Variants in CARD14 observed in about 807,000 individuals in gnomAD.
CARD14 encodes the protein caspase recruitment domain-containing protein 14.
Under a neutral mutation model 111.5 loss-of-function variants are expected in CARD14, and 107 were observed. The ratio of observed to expected loss-of-function variants is 0.96; its 90% confidence interval spans 0.82 to 1.13. The LOEUF (loss-of-function observed/expected upper bound fraction) is 1.13. Ranked by LOEUF, CARD14 falls within the 50% of genes most tolerant of loss-of-function variation. The probability of loss-of-function intolerance (pLI) is 0.00; values close to 1 mark genes in which losing one functional copy is unlikely to be tolerated. For synonymous variants in CARD14, 617 were observed against 579.6 expected (o/e 1.06, Z -0.93); for missense variants, 1,322 against 1,362.3 (o/e 0.97, Z 0.47).
intron 9 of CARD14, among the ~76,000 whole-genome samples, chr17:80,190,094 G>A (rs564229161): frequency 2.8e-4 from 43 of 152,250 alleles, no homozygotes; most frequent in Non-Finnish European, 5.4e-4. Flanking sequence ...TGATTCAAAC[G>A]CAGGGGATTT....
intron 7 of CARD14, chr17:80,187,701 T>TTGCCTCAC: frequency 1.0e-6 from 1 of 969,580 alleles, no homozygotes; most frequent in Non-Finnish European, 1.2e-6. Flanking sequence ...CTTCCCGGGC[T>TTGCCTCAC]TGCCTCACGG....
rs375489258 is a variant in CARD14, at chr17:80,184,118, C to T, written c.555C>T (p.Ser185=). 6 of 1,574,814 alleles carry T rather than the reference C, an allele frequency of 3.8e-6. No homozygotes were observed. In the African/African-American group the frequency reaches 4.0e-5, roughly 11 times the overall value. The change falls in exon 7 of 24, where the codon AGC becomes AGT. Residue 185 remains serine (S), a synonymous_variant. Coordinates refer to ENST00000648509, the MANE Select transcript of CARD14 (RefSeq NM_001366385.1). The stretch of plus-strand genomic sequence containing the variant: ...ACAGCCGCATGAAGCGTGAGGTTAG[C>T]GCACACTTCCATGAGGTGCTGAGGC... The part of the protein sequence containing the change: ...ADHSRMKREV[S]AHFHEVLRLK...
chr17:80,171,529 C>T (rs1173626698), intron 1 of CARD14, among the ~76,000 whole-genome samples: 2 of 151,974 alleles, frequency 1.3e-5, no homozygotes, highest in African/African-American at 4.8e-5. Context: ...TTAGGACTAA[C>T]CCTTATTTAC....
At chr17:80,207,993 G>A in intron 23 of CARD14, 145 bp from the exon 24 acceptor site, 4 of 558,460 alleles carry the variant, frequency 7.2e-6, no homozygotes, top group Non-Finnish European at 1.2e-5. Context: ...ACTGGGGCCT[G>A]GGGCCTATTT....
In CARD14 at chr17:80,205,054, G is replaced by T; in HGVS notation, c.2418G>T (p.Trp806Cys). Residue 806 changes from tryptophan to cysteine, a missense_variant, in exon 21 of 24, where the codon TGG (tryptophan) becomes TGT (cysteine). Physicochemically the swap from Trp to Cys is radical, Grantham distance 215 (BLOSUM62 -2). Transcript: ENST00000648509. ...CCACAGGCTCCAGCACGTGCTTCTG[G>T]GCCGAGAGCTGCCTCACCCTGGTGC... ...SRMEGSSTCF[W>C]AESCLTLVPY... 6.2e-7 allele frequency: 1 copy of T among 1,603,032 alleles called. No homozygotes were observed. The highest frequency in any genetic ancestry group is 8.5e-7 in the Non-Finnish European group (1 of 1,174,040).
Position 80,184,161 on chromosome 17 carries a change from A to G in CARD14, c.598A>G (p.Ser200Gly), listed in dbSNP as rs1320245950. The change falls in exon 7 of 24, where the codon AGC becomes GGC. Residue 200 changes from serine (S) to glycine (G), a missense_variant. By Grantham distance (56) the Ser-to-Gly change is moderately conservative. Coordinates refer to ENST00000648509, the MANE Select transcript of CARD14 (RefSeq NM_001366385.1). The stretch of plus-strand genomic sequence containing the variant: ...GCTGAGGCTGAAGGACGAGATGCTC[A>G]GCCTCTCGCTGCACTATAGCAATGC... ...EVLRLKDEMLSLSLHYSNALQ... is the reference protein window; with the variant it reads ...EVLRLKDEMLGLSLHYSNALQ... 1 of 1,564,722 alleles carries G rather than the reference A, an allele frequency of 6.4e-7. No homozygotes were observed. The highest frequency in any genetic ancestry group is 8.7e-7 in the Non-Finnish European group (1 of 1,154,830).
Position 80,189,654 on chromosome 17 carries a change from A to G in CARD14, c.844-99A>G. On this transcript the variant is annotated intron_variant, in intron 8 of 23. Coordinates refer to ENST00000648509, the MANE Select transcript of CARD14 (RefSeq NM_001366385.1). This position sits in a 1 kb window ranked among gnomAD's most constrained non-coding sequence, Gnocchi z 4.7. ...GTGGCAAGACTGCATCCGTCCACAC[A>G]CCTGACCGTGCAGTTGCCGCCATCT... 1 of 1,367,428 alleles carries G rather than the reference A, an allele frequency of 7.3e-7. No homozygotes were observed. Among genetic ancestry groups the G allele is most frequent in the Non-Finnish European group, 9.6e-7 (1 of 1,044,952 alleles). The allele number at this position is 1,367,428 out of a possible 1,614,324, so 84.7% of individuals were successfully genotyped here. A position where few individuals can be genotyped will look rare whatever the true frequency, so the allele number is the denominator to read the frequency against.
intron 14 of CARD14, chr17:80,196,233 C>T (rs947241010): frequency 3.9e-5 from 6 of 152,316 alleles, no homozygotes; most frequent in Non-Finnish European, 8.8e-5. Context: ...ACAGTAGGTG[C>T]TTTGCTCCCC....
chr17:80,201,678 C>T lies in CARD14; in HGVS notation c.1852-66C>T. 1.9e-6 allele frequency: 3 copies of T among 1,592,800 alleles called. No homozygotes were observed. The Admixed American group carries it at 5.0e-5, about 27-fold the overall frequency. On this transcript the variant is annotated intron_variant, in intron 16 of 23. Coordinates refer to ENST00000648509, the MANE Select transcript of CARD14 (RefSeq NM_001366385.1). The surrounding 1 kb of genome is among the most constrained non-coding windows in gnomAD (Gnocchi z 5.0). ...CGCCTCGCCTCAGTGCCCTCAGCGC[C>T]TTCTGTCTTCTGGCTGGATTCAGAG... is the stretch of plus-strand genomic sequence containing the variant.
chr17:80,205,507 G>A, intron 21 of CARD14, 24 bp from the exon 22 acceptor site: 2 of 1,576,492 alleles, frequency 1.3e-6, no homozygotes, highest in Non-Finnish European at 1.7e-6. Flanking sequence ...GGTCTATGAT[G>A]GCCCCGTCCA....
intron 14 of CARD14, chr17:80,196,313 C>A (rs547243949): frequency 6.6e-6 from 1 of 152,220 alleles, no homozygotes; most frequent in Non-Finnish European, 1.5e-5. Context: ...TTCTGTGGGT[C>A]GCAGAATCAG....
Position 80,179,291 on chromosome 17 carries a change from C to T in CARD14, c.-31C>T, listed in dbSNP as rs1253853679. 6.6e-6 allele frequency: 1 copy of T among 152,232 alleles called. No individual in the cohort carries two copies. Among genetic ancestry groups the T allele is most frequent in the Non-Finnish European group, 1.5e-5 (1 of 68,060 alleles). The allele number at this position is 152,232 out of a possible 1,614,324, so 9.4% of individuals were successfully genotyped here. A position where few individuals can be genotyped will look rare whatever the true frequency, so the allele number is the denominator to read the frequency against. On this transcript the variant is annotated 5_prime_UTR_variant, in exon 4 of 24. Coordinates refer to ENST00000648509, the MANE Select transcript of CARD14 (RefSeq NM_001366385.1). ...AAAATTAGGCACAACCTGATATCCT[C>T]CCACAGGAGCGTAAGTCCACTGTGG... is the stretch of plus-strand genomic sequence containing the variant.
In CARD14 at chr17:80,201,763, AGCCCTTGTTCAAG is replaced by A; in HGVS notation, c.1874_1886del (p.Pro625GlnfsTer26). The A allele has an allele frequency of 1.2e-6, 2 of 1,614,020 alleles. No individual in the cohort carries two copies. The highest frequency in any genetic ancestry group is 1.7e-6 in the Non-Finnish European group (2 of 1,179,964). On this transcript the variant is annotated frameshift_variant, in exon 17 of 24. Transcript: ENST00000648509. LOFTEE classifies it high-confidence loss of function. The surrounding 1 kb of genome is among the most constrained non-coding windows in gnomAD (Gnocchi z 5.0). ...CCTCAGGTTGATTACGAAGCCTCAG[AGCCCTTGTTCAAG>A]GCAGTCCTGGAGGACACGACCCTGG...
intron 6 of CARD14, among the ~76,000 whole-genome samples, chr17:80,183,279 G>A (rs1443525745): frequency 1.3e-5 from 2 of 152,176 alleles, no homozygotes; most frequent in Admixed American, 1.3e-4. Context: ...GGCTTCCCTG[G>A]AGGAGCTGTT....
rs1318845864 is a variant in CARD14, at chr17:80,204,317, C to A, written c.2374C>A (p.Gln792Lys). Reference sequence around the variant, plus strand: ...TCTGCGTTTGTCCTTTGACAGGGGCCAGTTGGACCCCAGCAGGATGGAGGG... The same window carrying A: ...TCTGCGTTTGTCCTTTGACAGGGGCAAGTTGGACCCCAGCAGGATGGAGGG... ...SPLRLSFDRG[Q>K]LDPSRMEGSS... Residue 792 changes from glutamine (Q) to lysine (K), a missense_variant, in exon 20 of 24, where the codon CAG (glutamine) becomes AAG (lysine). Physicochemically the swap from Gln to Lys is moderately conservative, Grantham distance 53. Transcript: ENST00000648509. 1 of 1,587,404 alleles carries A rather than the reference C, an allele frequency of 6.3e-7. No homozygotes were observed. Among genetic ancestry groups the A allele is most frequent in the Non-Finnish European group, 8.6e-7 (1 of 1,162,536 alleles).
chr17:80,204,951 G>A (rs1273135560), intron 20 of CARD14, 84 bp from the exon 21 acceptor site: 12 of 1,240,582 alleles, frequency 9.7e-6, no homozygotes, highest in Non-Finnish European at 1.2e-5. Context: ...AGTGAGCAAA[G>A]CAGACCCAGT....
rs757704864 is a variant in CARD14 at position 80,195,162 on chromosome 17, C to T, written c.1357-29C>T. 6.3e-7 allele frequency: 1 copy of T among 1,578,092 alleles called. No individual in the cohort carries two copies. The highest frequency in any genetic ancestry group is 1.1e-5 in the South Asian group (1 of 88,436). ...AGTCTCAGGGTGTCCTCGTGCGTGC[C>T]CCACTGACTTCTGCCCTCCCTCCTC... On this transcript the variant is annotated intron_variant, in intron 12 of 23. Transcript: ENST00000648509. This position sits in a 1 kb window ranked among gnomAD's most constrained non-coding sequence, Gnocchi z 4.7.
In CARD14 at chr17:80,201,506, A is replaced by G; in HGVS notation, c.1852-238A>G. 1.9e-6 allele frequency: 1 copy of G among 539,912 alleles called. No homozygotes were observed. Among genetic ancestry groups the G allele is most frequent in the Non-Finnish European group, 3.3e-6 (1 of 304,536 alleles). 33.4% of individuals were successfully genotyped at this position (539,912 alleles called of 1,614,324 possible). ...TTATCACAAAGAACCCCCGATCTCG[A>G]CTGGGGAAGGGTTGGCAGTTGACTC... On this transcript the variant is annotated intron_variant, in intron 16 of 23. Transcript: ENST00000648509. The surrounding 1 kb of genome is among the most constrained non-coding windows in gnomAD (Gnocchi z 5.0).
intron 1 of CARD14, among the ~76,000 whole-genome samples, chr17:80,172,632 C>T (rs1199545549): frequency 2.6e-5 from 4 of 152,122 alleles, no homozygotes; most frequent in African/African-American, 9.7e-5. Context: ...CTCCCCTTGC[C>T]ATGATGCCCC....
Sources: gnomAD v4.1 joint callset for allele counts (sites outside exome capture counted in the v4.1 genomes callset) on GRCh38, gnomAD v4.1.1 for gene constraint, Gnocchi (gnomAD v3.1) non-coding constraint, MANE v1.5 for transcripts, NCBI Gene and HGNC (gene_info 2026-07-23, HGNC 2026-07-21) for gene names.